STX12: variants seen among roughly 807,000 people sequenced by gnomAD.
STX12 encodes syntaxin 12.
STX12 carries 17 observed loss-of-function variants against 42.2 expected under a neutral mutation model. The observed-to-expected ratio is 0.40, with a 90% CI of 0.28 to 0.60. The LOEUF is 0.60. Among genes scored for constraint, STX12 ranks in the 20% least tolerant of loss-of-function variants. The pLI, the probability that STX12 is intolerant of heterozygous loss-of-function variation, is 0.39. For synonymous variants in STX12, 108 were observed against 116.7 expected (o/e 0.93, Z 0.48); for missense variants, 297 against 330.9 (o/e 0.90, Z 0.79).
intron 4 of STX12, among the ~76,000 whole-genome samples, chr1:27,803,203 A>G (rs1330791881): frequency 6.6e-6 from 1 of 152,222 alleles, no homozygotes; most frequent in East Asian, 1.9e-4. Context: ...GATTAAAAAC[A>G]CTAGCCTGCA....
At chr1:27,810,024 A>C (rs2088892635) in intron 4 of STX12, 1 of 453,760 alleles carries the variant, frequency 2.2e-6, no homozygotes, top group Admixed American at 3.6e-5. Flanking sequence ...CACCCTGTTC[A>C]GTATGGTTTC....
Position 27,773,436 on chromosome 1 carries a change from G to T in STX12, c.118+11G>T. 1 of 1,612,416 alleles carries T rather than the reference G, an allele frequency of 6.2e-7. No homozygotes were observed. The highest frequency in any genetic ancestry group is 8.5e-7 in the Non-Finnish European group (1 of 1,178,646). ...GGATCAGCCAAGCCAGTGAGCCGGG[G>T]TACCGAGCTGGGGGGCGGGAGCTGT... On this transcript the variant is annotated intron_variant, in intron 1 of 8. Coordinates refer to ENST00000373943, the MANE Select transcript of STX12 (RefSeq NM_177424.3).
At chr1:27,815,732 T>C (rs1372098124) in intron 6 of STX12, among the ~76,000 whole-genome samples, 3 of 152,190 alleles carry the variant, frequency 2.0e-5, no homozygotes, top group Non-Finnish European at 2.9e-5. Flanking sequence ...TAGCAAGTGA[T>C]TGAAATGCTT....
intron 2 of STX12, among the ~76,000 whole-genome samples, chr1:27,791,298 G>A (rs1258468967): frequency 1.3e-5 from 2 of 151,786 alleles, no homozygotes; most frequent in African/African-American, 2.4e-5. Context: ...GGAAGGATAT[G>A]CATAGGTTCT....
chr1:27,819,270 TAAAAA>T (rs1193228798), intron 7 of STX12, among the ~76,000 whole-genome samples: 1 of 114,274 alleles, frequency 8.8e-6, no homozygotes. Context: ...TCCCGTCTCT[TAAAAA>T]AAAAAAAAAA....
chr1:27,786,746 G>A (rs2088701867), intron 1 of STX12, among the ~76,000 whole-genome samples: 1 of 152,216 alleles, frequency 6.6e-6, no homozygotes. Context: ...TTAAAGGATT[G>A]TTGGAGTCAA....
intron 7 of STX12, among the ~76,000 whole-genome samples, chr1:27,818,692 C>T (rs576141463): frequency 9.3e-5 from 14 of 150,732 alleles, no homozygotes; most frequent in African/African-American, 3.4e-4. Context: ...TGCGATGGTG[C>T]GATCTTGGCT....
At chr1:27,777,189 T>A (rs1210637770) in intron 1 of STX12, among the ~76,000 whole-genome samples, 3 of 151,498 alleles carry the variant, frequency 2.0e-5, no homozygotes, top group Admixed American at 2.0e-4. Context: ...GGGTAGAGAG[T>A]CAGGGAAGAG....
chr1:27,779,790 CTT>C (rs540382809), intron 1 of STX12, among the ~76,000 whole-genome samples: 2 of 145,806 alleles, frequency 1.4e-5, no homozygotes, highest in Admixed American at 6.9e-5. Context: ...TTGGTTCCTC[CTT>C]TTTTTTTTTA....
Position 27,793,627 on chromosome 1 carries a change from G to A in STX12, c.283G>A (p.Glu95Lys). Reference protein sequence around the residue: ...GSLPLPLSTSEQRQQRLQKER... With the variant: ...GSLPLPLSTSKQRQQRLQKER... Reference sequence around the variant, plus strand: ...CTTGCCCCTTCCCTTATCTACTTCAGAACAGGTTGGTATTTTCTGTTTTGT... The same window carrying A: ...CTTGCCCCTTCCCTTATCTACTTCAAAACAGGTTGGTATTTTCTGTTTTGT... The change falls in exon 3 of 9, where the codon GAA becomes AAA. Residue 95 changes from glutamate (E) to lysine (K), a missense_variant. Physicochemically the swap from Glu to Lys is moderately conservative, Grantham distance 56. Transcript: ENST00000373943. 6.2e-7 allele frequency: 1 copy of A among 1,613,164 alleles called. No homozygotes were observed. The highest frequency in any genetic ancestry group is 1.1e-5 in the South Asian group (1 of 91,060).
chr1:27,799,538 A>G (rs2088812853), intron 3 of STX12, among the ~76,000 whole-genome samples: 1 of 144,320 alleles, frequency 6.9e-6, no homozygotes, highest in Non-Finnish European at 1.5e-5. Context: ...TCTGGAGTGC[A>G]GTGGCGCGAT....
At chr1:27,786,721 A>C (rs1268396963) in intron 1 of STX12, among the ~76,000 whole-genome samples, 3 of 152,214 alleles carry the variant, frequency 2.0e-5, no homozygotes, top group East Asian at 1.9e-4. Flanking sequence ...GCAACAATGG[A>C]ATAATAATAC....
chr1:27,778,275 T>C (rs940597873), intron 1 of STX12, among the ~76,000 whole-genome samples: 1 of 152,164 alleles, frequency 6.6e-6, no homozygotes, highest in Admixed American at 6.6e-5. Context: ...ATTATCAGTA[T>C]GTGTTGGGTA....
intron 6 of STX12, among the ~76,000 whole-genome samples, chr1:27,813,040 G>A (rs1025726617): frequency 2.0e-5 from 3 of 152,186 alleles, no homozygotes; most frequent in South Asian, 2.1e-4. Flanking sequence ...CTAATCCCAA[G>A]TTGTACATCT....
At chr1:27,804,668 G>A (rs2088849133) in intron 4 of STX12, among the ~76,000 whole-genome samples, 1 of 151,740 alleles carries the variant, frequency 6.6e-6, no homozygotes, top group African/African-American at 2.4e-5. Flanking sequence ...AAAATTAGCC[G>A]GGCATGGTGG....
Position 27,822,323 on chromosome 1 carries a change from G to T in STX12, c.825G>T (p.Thr275=). The change falls in exon 9 of 9, where the codon ACG becomes ACT. Residue 275 remains threonine (T), a synonymous_variant. Transcript: ENST00000373943. The part of the protein sequence containing the change: ...LGLIIWLVYK[T]K ...TTATTATCTGGCTAGTTTATAAAACGAAGTGATTGCCTCCGATCGTTCTCC... is the reference window on the plus strand; with the variant it reads ...TTATTATCTGGCTAGTTTATAAAACTAAGTGATTGCCTCCGATCGTTCTCC... 1 of 1,602,950 alleles carries T rather than the reference G, an allele frequency of 6.2e-7. No individual in the cohort carries two copies. The highest frequency in any genetic ancestry group is 1.3e-5 in the African/African-American group (1 of 74,796).
intron 8 of STX12, 187 bp downstream of exon 8, chr1:27,819,919 A>G: frequency 1.9e-6 from 1 of 520,936 alleles, no homozygotes; most frequent in Non-Finnish European, 3.5e-6. Context: ...AAATAATCAC[A>G]CCTTGAATAA....
chr1:27,807,310 T>C (rs1219998580), intron 4 of STX12, among the ~76,000 whole-genome samples: 2 of 152,218 alleles, frequency 1.3e-5, no homozygotes, highest in African/African-American at 4.8e-5. Context: ...TCATTCTTCC[T>C]ATTTTTTGTG....
intron 7 of STX12, among the ~76,000 whole-genome samples, chr1:27,818,634 T>C (rs1253807189): frequency 1.5e-5 from 2 of 134,716 alleles, no homozygotes; most frequent in African/African-American, 3.1e-5. Context: ...TTAGTAACCC[T>C]TTTTTTTTTT....
Sources: gnomAD v4.1 joint callset for allele counts (sites outside exome capture counted in the v4.1 genomes callset) on GRCh38, gnomAD v4.1.1 for gene constraint, MANE v1.5 for transcripts, NCBI Gene and HGNC (gene_info 2026-07-23, HGNC 2026-07-21) for gene names.